Variants in ARHGAP24 observed in about 807,000 individuals in gnomAD.
ARHGAP24 encodes the protein Rho GTPase activating protein 24.
Under a neutral mutation model 76.4 loss-of-function variants are expected in ARHGAP24, and 50 were observed. The ratio of observed to expected loss-of-function variants is 0.65; its 90% CI spans 0.52 to 0.83. The LOEUF is 0.83. Among genes scored for constraint, ARHGAP24 ranks in the 40% least tolerant of loss-of-function variants. ARHGAP24 has a pLI of 0.00. For synonymous variants in ARHGAP24, 345 were observed against 323.3 expected, an observed-to-expected ratio of 1.07 and a Z score of -0.72; for missense variants, 930 against 914.2, an observed-to-expected ratio of 1.02 and a Z score of -0.22.
At chr4:85,744,362 G>C (rs1207306981) in intron 3 of ARHGAP24, among the ~76,000 whole-genome samples, 1 of 152,104 alleles carries the variant, frequency 6.6e-6, no homozygotes, top group African/African-American at 2.4e-5. Context: ...CTGAATCTAT[G>C]AATTTTTAGG....
At chr4:85,768,607 C>T (rs554038337) in intron 3 of ARHGAP24, among the ~76,000 whole-genome samples, 50 of 151,916 alleles carry the variant, frequency 3.3e-4, no homozygotes, top group African/African-American at 1.0e-3. Flanking sequence ...CATGGTGGCG[C>T]GCACCTGTAA....
chr4:85,769,729 A>T (rs2110078057), intron 3 of ARHGAP24, among the ~76,000 whole-genome samples: 1 of 151,560 alleles, frequency 6.6e-6, no homozygotes, highest in East Asian at 2.0e-4. Flanking sequence ...CTGGGATTAC[A>T]GGCGCCCGCC....
chr4:85,494,284 C>T (rs1330623130), intron 1 of ARHGAP24, among the ~76,000 whole-genome samples: 1 of 152,156 alleles, frequency 6.6e-6, no homozygotes, highest in Non-Finnish European at 1.5e-5. Flanking sequence ...CCTCACACCC[C>T]ATCCCCCAAC....
At chr4:85,687,225 T>C (rs990469342) in intron 2 of ARHGAP24, among the ~76,000 whole-genome samples, 1 of 152,152 alleles carries the variant, frequency 6.6e-6, no homozygotes, top group Non-Finnish European at 1.5e-5. Flanking sequence ...GTACTTGGTT[T>C]ATTTATCTGT....
At chr4:85,681,985 C>T (rs906329069) in intron 2 of ARHGAP24, among the ~76,000 whole-genome samples, 7 of 152,176 alleles carry the variant, frequency 4.6e-5, no homozygotes, top group Non-Finnish European at 1.0e-4. Context: ...CCTCATTTTA[C>T]AGATGAAGAA....
intron 3 of ARHGAP24, among the ~76,000 whole-genome samples, chr4:85,850,429 T>G (rs368341530): frequency 1.3e-5 from 2 of 152,062 alleles, no homozygotes; most frequent in Non-Finnish European, 2.9e-5. Flanking sequence ...TTTTGAAGGG[T>G]TTTTTGTGTC....
chr4:85,713,036 G>A (rs1724585371), intron 2 of ARHGAP24, among the ~76,000 whole-genome samples: 2 of 152,066 alleles, frequency 1.3e-5, no homozygotes, highest in Admixed American at 6.6e-5. Context: ...GGTGGCTCAC[G>A]CCTATAATCC....
At chr4:85,594,539 G>C (rs1245765179) in intron 2 of ARHGAP24, among the ~76,000 whole-genome samples, 3 of 152,012 alleles carry the variant, frequency 2.0e-5, no homozygotes, top group Non-Finnish European at 4.4e-5. Context: ...GTCAAAGTTA[G>C]AAGGAGAGAT....
At chr4:85,982,810 A>C (rs1224433341) in intron 8 of ARHGAP24, among the ~76,000 whole-genome samples, 2 of 152,008 alleles carry the variant, frequency 1.3e-5, no homozygotes, top group African/African-American at 2.4e-5. Flanking sequence ...CAGGATTTGC[A>C]GGTTTGTTAC....
Position 86,001,471 on chromosome 4 carries a change from G to A in ARHGAP24, c.*749G>A, listed in dbSNP as rs1741014397. 1 of 398,728 alleles carries A rather than the reference G, an allele frequency of 2.5e-6. No homozygotes were observed. Among genetic ancestry groups the A allele is most frequent in the Non-Finnish European group, 4.4e-6 (1 of 226,052 alleles). 24.7% of individuals were successfully genotyped at this position (398,728 alleles called of 1,614,324 possible). On this transcript the variant is annotated 3_prime_UTR_variant, in exon 10 of 10. Transcript: ENST00000395184. ...TCCTCAGTGCGTATCGCCAATGCAG[G>A]ATGCTCCTTAGAAAAGAAAAAATGG...
chr4:85,740,377 C>T (rs1204712513), intron 3 of ARHGAP24, among the ~76,000 whole-genome samples: 1 of 151,998 alleles, frequency 6.6e-6, no homozygotes, highest in Admixed American at 6.6e-5. Flanking sequence ...TGCCCACCTC[C>T]ATGCCCTGCT....
chr4:85,867,509 T>A (rs937735606), intron 3 of ARHGAP24, among the ~76,000 whole-genome samples: 1 of 152,064 alleles, frequency 6.6e-6, no homozygotes, highest in Non-Finnish European at 1.5e-5. Context: ...AATAAACATA[T>A]GATTTAAATT....
intron 1 of ARHGAP24, among the ~76,000 whole-genome samples, chr4:85,565,299 A>G (rs903282596): frequency 2.0e-5 from 3 of 152,164 alleles, no homozygotes; most frequent in Admixed American, 2.0e-4. Flanking sequence ...TATGTTCTAA[A>G]GTCAACACAA....
chr4:85,671,747 G>A (rs1258939829), intron 2 of ARHGAP24, among the ~76,000 whole-genome samples: 2 of 152,106 alleles, frequency 1.3e-5, no homozygotes, highest in Non-Finnish European at 2.9e-5. Flanking sequence ...TCTGAAGCTA[G>A]GAAATTATAG....
intron 5 of ARHGAP24, among the ~76,000 whole-genome samples, chr4:85,948,733 T>C (rs951338665): frequency 2.0e-5 from 3 of 152,192 alleles, no homozygotes; most frequent in Non-Finnish European, 4.4e-5. Flanking sequence ...GAAGACTCTG[T>C]GAGGTGCTGG....
intron 3 of ARHGAP24, among the ~76,000 whole-genome samples, chr4:85,775,514 T>G (rs2110081005): frequency 6.6e-6 from 1 of 152,254 alleles, no homozygotes; most frequent in Admixed American, 6.5e-5. Flanking sequence ...GGGTTCCCCC[T>G]TATAAAACCA....
chr4:85,805,747 T>C (rs1011659426), intron 3 of ARHGAP24, among the ~76,000 whole-genome samples: 1 of 152,202 alleles, frequency 6.6e-6, no homozygotes, highest in African/African-American at 2.4e-5. Flanking sequence ...TTAGTGCTCA[T>C]TAACTTTTCC....
chr4:85,792,377 G>T (rs562910877), intron 3 of ARHGAP24, among the ~76,000 whole-genome samples: 1 of 152,218 alleles, frequency 6.6e-6, no homozygotes, highest in South Asian at 2.1e-4. Context: ...TAAAAGCCAA[G>T]CCACACATGT....
At chr4:85,767,782 A>G (rs903251421) in intron 3 of ARHGAP24, among the ~76,000 whole-genome samples, 7 of 152,226 alleles carry the variant, frequency 4.6e-5, no homozygotes, top group Admixed American at 1.3e-4. Flanking sequence ...TTAGCAAACT[A>G]TGACATTCTT....
Sources: allele counts gnomAD v4.1 joint callset (sites outside exome capture counted in the v4.1 genomes callset), GRCh38; gene constraint gnomAD v4.1.1; transcripts MANE v1.5; gene names NCBI Gene and HGNC (gene_info 2026-07-23, HGNC 2026-07-21).